EPB41L3: variants seen among roughly 807,000 people sequenced by gnomAD.
EPB41L3 encodes the protein band 4.1-like protein 3.
Under a neutral mutation model 127.1 loss-of-function variants are expected in EPB41L3, and 57 were observed. That is an observed-to-expected ratio of 0.45 (90% CI 0.36 to 0.56). EPB41L3 has a LOEUF of 0.56. EPB41L3 is among the 20% of genes least tolerant of loss of function. The pLI, the probability that EPB41L3 is intolerant of heterozygous loss-of-function variation, is 0.00. For synonymous variants in EPB41L3, 572 were observed against 549.5 expected (o/e 1.04, Z -0.57); for missense variants, 1,273 against 1,372.2 (o/e 0.93, Z 1.14).
chr18:5,524,446 C>T (rs906426299), intron 1 of EPB41L3, among the ~76,000 whole-genome samples: 9 of 152,264 alleles, frequency 5.9e-5, no homozygotes, highest in South Asian at 2.1e-4. Context: ...CCACCCATCT[C>T]GGCCTCCCAA....
At chr18:5,614,135 C>T (rs1441406637) in intron 2 of EPB41L3, among the ~76,000 whole-genome samples, 2 of 152,126 alleles carry the variant, frequency 1.3e-5, no homozygotes, top group Admixed American at 6.5e-5. Context: ...CTGGTCTTTA[C>T]CCAAGAGCAA....
At chr18:5,424,565 T>A (rs1224664052) in intron 9 of EPB41L3, among the ~76,000 whole-genome samples, 1 of 152,190 alleles carries the variant, frequency 6.6e-6, no homozygotes, top group Non-Finnish European at 1.5e-5. Flanking sequence ...AAATAGCCAC[T>A]TTATGCATAC....
At chr18:5,394,174 G>T (rs1285942105) in intron 22 of EPB41L3, 1 of 152,600 alleles carries the variant, frequency 6.6e-6, no homozygotes, top group Non-Finnish European at 1.5e-5. Context: ...CAAAACTAAA[G>T]ACAAAAGCAT....
chr18:5,498,524 G>A (rs553771464), intron 1 of EPB41L3, among the ~76,000 whole-genome samples: 81 of 135,602 alleles, frequency 6.0e-4, no homozygotes, highest in African/African-American at 2.1e-3. Context: ...AACCTGGGAG[G>A]TGGAGGTTGC....
At chr18:5,499,311 C>T (rs1017793977) in intron 1 of EPB41L3, among the ~76,000 whole-genome samples, 1 of 152,090 alleles carries the variant, frequency 6.6e-6, no homozygotes, top group Admixed American at 6.6e-5. Context: ...CATTGGTATG[C>T]GGTACTACTC....
At chr18:5,457,411 C>G (rs2083276655) in intron 3 of EPB41L3, among the ~76,000 whole-genome samples, 1 of 151,634 alleles carries the variant, frequency 6.6e-6, no homozygotes, top group African/African-American at 2.4e-5. Context: ...TCCTATAAAC[C>G]AGCTCTCCTT....
intron 1 of EPB41L3, among the ~76,000 whole-genome samples, chr18:5,623,849 G>T (rs897600103): frequency 1.2e-4 from 18 of 151,804 alleles, no homozygotes; most frequent in Non-Finnish European, 2.4e-4. Flanking sequence ...GGGAGTCAGG[G>T]TTTCACCATG....
intron 1 of EPB41L3, among the ~76,000 whole-genome samples, chr18:5,539,912 T>C (rs1216376092): frequency 6.6e-6 from 1 of 152,214 alleles, no homozygotes; most frequent in Non-Finnish European, 1.5e-5. Flanking sequence ...GCAGATATCT[T>C]CTACTTATGA....
chr18:5,482,774 T>C (rs7231031), intron 2 of EPB41L3, among the ~76,000 whole-genome samples: 38,586 of 151,986 alleles, frequency 0.25, 5,719 homozygotes, highest in African/African-American at 0.4. Context: ...CATTCAAATA[T>C]AAAGGAGAGA....
At chr18:5,491,592 T>G (rs1391947380) in intron 1 of EPB41L3, among the ~76,000 whole-genome samples, 1 of 152,194 alleles carries the variant, frequency 6.6e-6, no homozygotes, top group Non-Finnish European at 1.5e-5. Flanking sequence ...CATCTATGAC[T>G]GTACCATATA....
At chr18:5,505,584 C>T (rs2092095034) in intron 1 of EPB41L3, among the ~76,000 whole-genome samples, 1 of 148,668 alleles carries the variant, frequency 6.7e-6, no homozygotes, top group African/African-American at 2.5e-5. Context: ...ATACCTTCAC[C>T]TCCACCCCTA....
chr18:5,530,982 A>G (rs995080423), intron 1 of EPB41L3, among the ~76,000 whole-genome samples: 3 of 152,222 alleles, frequency 2.0e-5, no homozygotes, highest in Non-Finnish European at 2.9e-5. Flanking sequence ...ACGGAGGCAC[A>G]GGCTGCAGAG....
intron 3 of EPB41L3, among the ~76,000 whole-genome samples, chr18:5,552,004 A>G (rs1199888943): frequency 6.6e-6 from 1 of 152,252 alleles, no homozygotes; most frequent in Non-Finnish European, 1.5e-5. Context: ...TAAAGCACAT[A>G]CTTAAATTGA....
intron 3 of EPB41L3, among the ~76,000 whole-genome samples, chr18:5,457,578 A>G (rs1229620156): frequency 1.3e-5 from 2 of 152,148 alleles, no homozygotes; most frequent in Non-Finnish European, 2.9e-5. Flanking sequence ...AGGGAGAAGA[A>G]AGCTATATGA....
chr18:5,440,423 A>C (rs1338528455), intron 5 of EPB41L3, among the ~76,000 whole-genome samples: 1 of 152,228 alleles, frequency 6.6e-6, no homozygotes, highest in Non-Finnish European at 1.5e-5. Context: ...ATTAAAGCTC[A>C]AATACATATC....
At chr18:5,511,409 T>G (rs1235257053) in intron 1 of EPB41L3, among the ~76,000 whole-genome samples, 1 of 141,430 alleles carries the variant, frequency 7.1e-6, no homozygotes, top group Non-Finnish European at 1.5e-5. Context: ...TTTTTTTTTT[T>G]TTTTTTTTTT....
chr18:5,566,572 A>G (rs1203086362), intron 3 of EPB41L3, among the ~76,000 whole-genome samples: 2 of 152,166 alleles, frequency 1.3e-5, no homozygotes, highest in Non-Finnish European at 1.5e-5. Flanking sequence ...ATCCCCATCA[A>G]GCTACCAATG....
intron 2 of EPB41L3, 28 bp from the exon 3 acceptor site, chr18:5,478,466 T>C (rs781695637): frequency 1.2e-6 from 2 of 1,610,182 alleles, no homozygotes; most frequent in South Asian, 1.1e-5. Context: ...TCAACAGTTT[T>C]CATTGCAAGG....
chr18:5,464,449 A>G (rs950166025), intron 3 of EPB41L3, among the ~76,000 whole-genome samples: 2 of 152,134 alleles, frequency 1.3e-5, no homozygotes, highest in Non-Finnish European at 2.9e-5. Flanking sequence ...AAAAAGAAAG[A>G]AGAATCCAGG....
Sources: allele counts gnomAD v4.1 joint callset (sites outside exome capture counted in the v4.1 genomes callset), GRCh38; gene constraint gnomAD v4.1.1; transcripts MANE v1.5; gene names NCBI Gene and HGNC (gene_info 2026-07-23, HGNC 2026-07-21).